The following TIAM1 variants were observed in gnomAD, a reference collection of about 807,000 sequenced individuals.
TIAM1 encodes TIAM Rac1 associated GEF 1.
TIAM1 carries 65 observed loss-of-function variants against 163.5 expected under a neutral mutation model. That is an observed-to-expected ratio of 0.40 (90% confidence interval 0.33 to 0.49). The LOEUF is 0.49. Ranked by LOEUF, TIAM1 falls within the 20% of genes least tolerant of loss-of-function variation. The probability of loss-of-function intolerance (pLI) is 0.77; values close to 1 mark genes in which losing one functional copy is unlikely to be tolerated. For missense variants in TIAM1, 1,789 were observed against 2,044.7 expected, an observed-to-expected ratio of 0.87 and a Z score of 2.41; for synonymous variants, 833 against 810.1, an observed-to-expected ratio of 1.03 and a Z score of -0.48.
chr21:31,209,669 G>C (rs2086627322), intron 11 of TIAM1, among the ~76,000 whole-genome samples: 1 of 152,168 alleles, frequency 6.6e-6, no homozygotes, highest in African/African-American at 2.4e-5. Context: ...AGGAATGAAT[G>C]GTCAAACGCC....
At chr21:31,428,279 C>A (rs541406348) in intron 2 of TIAM1, among the ~76,000 whole-genome samples, 2 of 152,126 alleles carry the variant, frequency 1.3e-5, no homozygotes, top group South Asian at 4.1e-4. Flanking sequence ...AAGAAAGAAA[C>A]TGAATGTGGC....
chr21:31,251,902 C>A lies in TIAM1; in HGVS notation c.1251G>T (p.Leu417=), dbSNP rs765118772. ...AHSDEQSSGT[L]SSPGQSDILL... is the part of the protein sequence containing the mutation. ...GGATGTCCGACTGGCCCGGAGAGCT[C>A]AGGGTGCCGCTGCTCTGCTCATCGC... Residue 417 remains leucine (L), a synonymous_variant, in exon 5 of 28, where the codon CTG becomes CTT. Transcript: ENST00000541036. 1.2e-6 allele frequency: 2 copies of A among 1,613,806 alleles called. No individual in the cohort carries two copies. Among genetic ancestry groups the A allele is most frequent in the South Asian group, 1.1e-5 (1 of 91,050 alleles).
chr21:31,521,162 C>T (rs1024636962), intron 1 of TIAM1, among the ~76,000 whole-genome samples: 8 of 152,206 alleles, frequency 5.3e-5, no homozygotes, highest in Non-Finnish European at 8.8e-5. Flanking sequence ...AACTCCGCCA[C>T]CTTCTCTAAA....
intron 1 of TIAM1, among the ~76,000 whole-genome samples, chr21:31,553,155 T>C (rs1397519737): frequency 6.6e-6 from 1 of 152,132 alleles, no homozygotes; most frequent in Non-Finnish European, 1.5e-5. Context: ...GTGGGTCATT[T>C]TTGAGCATGT....
intron 15 of TIAM1, among the ~76,000 whole-genome samples, chr21:31,166,895 G>A (rs897279164): frequency 7.2e-5 from 11 of 152,092 alleles, no homozygotes; most frequent in South Asian, 2.1e-4. Flanking sequence ...TCAGTGGGAC[G>A]TCCGGAGCAG....
At chr21:31,318,315 C>T (rs890510908) in intron 2 of TIAM1, among the ~76,000 whole-genome samples, 9 of 152,150 alleles carry the variant, frequency 5.9e-5, no homozygotes, top group African/African-American at 1.2e-4. Flanking sequence ...ATGTTGGCCA[C>T]GCTGGTTTCG....
intron 1 of TIAM1, among the ~76,000 whole-genome samples, chr21:31,493,114 G>A (rs558707727): frequency 3.9e-5 from 6 of 152,106 alleles, no homozygotes; most frequent in East Asian, 3.9e-4. Context: ...TCAATCCTGC[G>A]TAATCTGAGG....
intron 12 of TIAM1, 124 bp downstream of exon 12, chr21:31,202,784 C>A: frequency 1.1e-6 from 1 of 877,148 alleles, no homozygotes; most frequent in Non-Finnish European, 1.8e-6. Flanking sequence ...AACTTAAGGG[C>A]TATGAATGAA....
Position 31,407,785 on chromosome 21 carries a change from G to A in TIAM1, c.-369+56198C>T, listed in dbSNP as rs143629655. On this transcript the variant is annotated intron_variant, in intron 2 of 28. Transcript: ENST00000286827. ...AGAGTAGCTGATATTACAGGCGCCCGCCACCACGCCTGGGTAATTTTTTTG... is the reference window on the plus strand; with the variant it reads ...AGAGTAGCTGATATTACAGGCGCCCACCACCACGCCTGGGTAATTTTTTTG... Among the ~76,000 whole-genome samples the A allele has an allele frequency of 2.4e-3, 368 of 151,860 alleles. 1 individual carries two copies. The highest frequency in any genetic ancestry group is 8.2e-3 in the African/African-American group (339 of 41,414).
At chr21:31,307,953 C>T (rs1461172255) in intron 2 of TIAM1, among the ~76,000 whole-genome samples, 4 of 152,128 alleles carry the variant, frequency 2.6e-5, no homozygotes, top group Non-Finnish European at 5.9e-5. Context: ...ATACAATGGG[C>T]TGGGTGCGGC....
At chr21:31,453,572 A>C (rs2044960578) in intron 2 of TIAM1, among the ~76,000 whole-genome samples, 1 of 152,110 alleles carries the variant, frequency 6.6e-6, no homozygotes, top group African/African-American at 2.4e-5. Flanking sequence ...GCACGCCTGT[A>C]GTCCCAGCTA....
intron 2 of TIAM1, among the ~76,000 whole-genome samples, chr21:31,436,819 G>A (rs1357613504): frequency 2.0e-5 from 3 of 151,698 alleles, no homozygotes; most frequent in Middle Eastern, 3.4e-3. Context: ...TTTGCTGGGT[G>A]TGGTGGTGCA....
intron 1 of TIAM1, among the ~76,000 whole-genome samples, chr21:31,521,181 C>T (rs1397270710): frequency 6.6e-6 from 1 of 152,214 alleles, no homozygotes; most frequent in East Asian, 1.9e-4. Flanking sequence ...AAAAGAAACC[C>T]TCATCCTAAA....
chr21:31,234,982 A>C (rs2088666067), intron 6 of TIAM1, among the ~76,000 whole-genome samples: 1 of 152,230 alleles, frequency 6.6e-6, no homozygotes, highest in Non-Finnish European at 1.5e-5. Context: ...AATTACTCAA[A>C]TATTATGCAA....
intron 2 of TIAM1, among the ~76,000 whole-genome samples, chr21:31,321,438 C>T (rs527485371): frequency 2.0e-5 from 3 of 152,226 alleles, no homozygotes; most frequent in South Asian, 2.1e-4. Flanking sequence ...CTGCAACCTC[C>T]GCCTCCTGGG....
chr21:31,398,402 A>G (rs2077109281), intron 2 of TIAM1, among the ~76,000 whole-genome samples: 1 of 152,172 alleles, frequency 6.6e-6, no homozygotes, highest in Non-Finnish European at 1.5e-5. Context: ...GTGTTACTGA[A>G]GAAAATGTCA....
intron 1 of TIAM1, among the ~76,000 whole-genome samples, chr21:31,467,917 C>T (rs1463590581): frequency 6.6e-6 from 1 of 151,468 alleles, no homozygotes; most frequent in Admixed American, 6.6e-5. Flanking sequence ...GAAACCCTGT[C>T]TATGCTAAAA....
At chr21:31,250,332 T>C (rs1355498847) in intron 5 of TIAM1, among the ~76,000 whole-genome samples, 2 of 152,254 alleles carry the variant, frequency 1.3e-5, no homozygotes, top group East Asian at 3.9e-4. Flanking sequence ...GGCATTGGGA[T>C]TGGCATTGCT....
intron 10 of TIAM1, among the ~76,000 whole-genome samples, chr21:31,212,446 A>G (rs1035807964): frequency 2.1e-4 from 32 of 152,118 alleles, no homozygotes; most frequent in African/African-American, 7.7e-4. Context: ...GGCTCCCAGT[A>G]TCACTACTAG....
Sources: gnomAD v4.1 joint callset for allele counts (sites outside exome capture counted in the v4.1 genomes callset) on GRCh38, gnomAD v4.1.1 for gene constraint, MANE v1.5 for transcripts, NCBI Gene and HGNC (gene_info 2026-07-23, HGNC 2026-07-21) for gene names.